The following SCAMP1 variants were observed in gnomAD, a reference collection of about 807,000 sequenced individuals.
The protein encoded by SCAMP1 is secretory carrier membrane protein 1, also known as secretory carrier-associated membrane protein 1.
Under a neutral mutation model 41.8 loss-of-function variants are expected in SCAMP1, and 15 were observed. The observed-to-expected ratio is 0.36, with a 90% confidence interval of 0.24 to 0.55. The LOEUF (loss-of-function observed/expected upper bound fraction) is 0.55, where lower values mean the gene tolerates loss of function less well. Among genes scored for constraint, SCAMP1 ranks in the 20% least tolerant of loss-of-function variants. The pLI is 0.86. For missense variants in SCAMP1, 341 were observed against 412.6 expected (o/e 0.83, Z 1.50); for synonymous variants, 135 against 136.8 (o/e 0.99, Z 0.09).
In SCAMP1 at chr5:78,459,788, A is replaced by G. The variant is rs560275997; in HGVS notation, c.852+426A>G. 1.2e-3 allele frequency among the ~76,000 whole-genome samples: 181 copies of G among 152,294 alleles called. 3 individuals are homozygous for G. The South Asian group carries it at 0.035, about 30-fold the overall frequency. On this transcript the variant is annotated intron_variant, in intron 8 of 8. Coordinates refer to ENST00000621999, the MANE Select transcript of SCAMP1 (RefSeq NM_004866.6). ...TTTTTTAATTTTTTATTATAAATTC[A>G]GAGGGAACATGTGCAGGTTTGTTAC...
At chr5:78,368,800 A>C (rs951458885) in intron 1 of SCAMP1, among the ~76,000 whole-genome samples, 3 of 152,118 alleles carry the variant, frequency 2.0e-5, no homozygotes, top group Admixed American at 2.0e-4. Flanking sequence ...CAGATACTTA[A>C]AGTGTTCTTA....
chr5:78,468,376 G>A (rs757916424), intron 8 of SCAMP1, among the ~76,000 whole-genome samples: 2 of 152,152 alleles, frequency 1.3e-5, no homozygotes, highest in Non-Finnish European at 2.9e-5. Context: ...AGAAAGAATT[G>A]AGTAATGGTT....
chr5:78,437,998 G>T (rs903416349), intron 6 of SCAMP1, among the ~76,000 whole-genome samples: 2 of 152,190 alleles, frequency 1.3e-5, no homozygotes, highest in African/African-American at 4.8e-5. Flanking sequence ...CAGTTTATTT[G>T]TGTAGAGGTG....
chr5:78,473,226 T>TA (rs1753927683), intron 8 of SCAMP1, among the ~76,000 whole-genome samples: 2 of 152,312 alleles, frequency 1.3e-5, no homozygotes, highest in African/African-American at 4.8e-5. Flanking sequence ...TCTGTAGTAA[T>TA]ATGGCGTTTG....
intron 1 of SCAMP1, among the ~76,000 whole-genome samples, chr5:78,386,751 A>G (rs1167330639): frequency 6.6e-6 from 1 of 152,130 alleles, no homozygotes; most frequent in Non-Finnish European, 1.5e-5. Context: ...TTCTTGGCTG[A>G]TAATTGTTTT....
intron 8 of SCAMP1, among the ~76,000 whole-genome samples, chr5:78,460,793 C>CTT (rs1561287109): frequency 4.2e-5 from 2 of 47,206 alleles, no homozygotes; most frequent in African/African-American, 2.4e-4. Flanking sequence ...TCCTTCCTTC[C>CTT]TTCCTTCCTT....
At chr5:78,473,426 ATTCT>A (rs1753932838) in intron 8 of SCAMP1, among the ~76,000 whole-genome samples, 1 of 152,068 alleles carries the variant, frequency 6.6e-6, no homozygotes, top group Non-Finnish European at 1.5e-5. Flanking sequence ...TCTCCCAGTC[ATTCT>A]TTCTTCTTGT....
intron 8 of SCAMP1, among the ~76,000 whole-genome samples, chr5:78,467,900 A>G (rs963558011): frequency 1.3e-5 from 2 of 152,206 alleles, no homozygotes; most frequent in African/African-American, 4.8e-5. Context: ...TTTAATGACA[A>G]AAAATCCTTT....
At chr5:78,461,430 G>A (rs1580716135) in intron 8 of SCAMP1, among the ~76,000 whole-genome samples, 1 of 152,166 alleles carries the variant, frequency 6.6e-6, no homozygotes, top group Admixed American at 6.5e-5. Context: ...ATTGAATAGG[G>A]TGTCCTTTCC....
Position 78,415,634 on chromosome 5 carries a change from T to G in SCAMP1, c.234+16T>G. 1 of 1,469,256 alleles carries G rather than the reference T, an allele frequency of 6.8e-7. No homozygotes were observed. The highest frequency in any genetic ancestry group is 9.4e-7 in the Non-Finnish European group (1 of 1,063,708). 91.0% of individuals were successfully genotyped at this position (1,469,256 alleles called of 1,614,324 possible). ...GATTGCAAAGGTTAGTTCATGTTAG[T>G]TGTATAAATTCATATTGGCCATTAT... On this transcript the variant is annotated intron_variant, in intron 3 of 8. Transcript: ENST00000621999.
chr5:78,418,659 C>T, intron 4 of SCAMP1, 116 bp from the exon 5 acceptor site: 1 of 686,076 alleles, frequency 1.5e-6, no homozygotes, highest in Non-Finnish European at 2.4e-6. Context: ...TATAGTTCTA[C>T]AGTTTTTCTG....
intron 1 of SCAMP1, among the ~76,000 whole-genome samples, chr5:78,373,175 A>G (rs115164888): frequency 9.9e-4 from 151 of 152,282 alleles, no homozygotes; most frequent in African/African-American, 3.3e-3. Flanking sequence ...ACACCAGGCT[A>G]AGAACACAGA....
At chr5:78,389,281 GTAGAA>G in intron 2 of SCAMP1, among the ~76,000 whole-genome samples, 1 of 152,150 alleles carries the variant, frequency 6.6e-6, no homozygotes, top group East Asian at 1.9e-4. Context: ...TGGAAACTGT[GTAGAA>G]CTGTACCATG....
intron 1 of SCAMP1, among the ~76,000 whole-genome samples, chr5:78,384,304 A>T (rs1251764448): frequency 2.0e-5 from 3 of 147,078 alleles, no homozygotes; most frequent in African/African-American, 7.6e-5. Context: ...CAAATGTTTT[A>T]GTTTCCTGAA....
At chr5:78,429,769 C>T (rs1462900049) in intron 6 of SCAMP1, among the ~76,000 whole-genome samples, 1 of 151,932 alleles carries the variant, frequency 6.6e-6, no homozygotes, top group African/African-American at 2.4e-5. Flanking sequence ...TGAGTTTGAT[C>T]CATATTTATT....
chr5:78,439,036 C>A (rs556650989), intron 6 of SCAMP1, among the ~76,000 whole-genome samples: 1 of 152,154 alleles, frequency 6.6e-6, no homozygotes, highest in Non-Finnish European at 1.5e-5. Flanking sequence ...AGGATTGCAA[C>A]CCCTGCTTCT....
At chr5:78,371,876 C>T (rs888916620) in intron 1 of SCAMP1, among the ~76,000 whole-genome samples, 7 of 152,032 alleles carry the variant, frequency 4.6e-5, no homozygotes, top group African/African-American at 1.4e-4. Context: ...AAAGGATATG[C>T]GTATAGTGTA....
Position 78,480,234 on chromosome 5 carries a change from AAAGCCATTT to A in SCAMP1, c.*4569_*4577del, listed in dbSNP as rs1490306491. ...TGTAGCTGAAACCCTCCTAACACTA[AAAGCCATTT>A]AATCTTTTCTGTAATAGGAGCAGAA... On this transcript the variant is annotated 3_prime_UTR_variant, in exon 9 of 9. Coordinates refer to ENST00000621999, the MANE Select transcript of SCAMP1 (RefSeq NM_004866.6). Among the ~76,000 whole-genome samples the A allele has an allele frequency of 6.6e-6, 1 of 152,156 alleles. No individual in the cohort carries two copies. Among genetic ancestry groups the A allele is most frequent in the Non-Finnish European group, 1.5e-5 (1 of 68,036 alleles).
At chr5:78,404,963 T>A (rs1751896691) in intron 2 of SCAMP1, among the ~76,000 whole-genome samples, 1 of 152,198 alleles carries the variant, frequency 6.6e-6, no homozygotes, top group Admixed American at 6.5e-5. Context: ...CCTCCAACAA[T>A]TTCTTAATTA....
Sources: allele counts gnomAD v4.1 joint callset (sites outside exome capture counted in the v4.1 genomes callset), GRCh38; gene constraint gnomAD v4.1.1; transcripts MANE v1.5; gene names NCBI Gene and HGNC (gene_info 2026-07-23, HGNC 2026-07-21).